Variants in TCF7L1 observed in about 807,000 individuals in gnomAD.
TCF7L1 encodes transcription factor 7 like 1, also known as transcription factor 7-like 1.
TCF7L1 carries 18 observed loss-of-function variants against 63.7 expected under a neutral mutation model. The ratio of observed to expected loss-of-function variants is 0.28; its 90% CI spans 0.20 to 0.42. The LOEUF is 0.42. TCF7L1 is among the 10% of genes least tolerant of loss of function. TCF7L1 has a pLI of 1.00. For synonymous variants in TCF7L1, 355 were observed against 340.9 expected (o/e 1.04, Z -0.46); for missense variants, 654 against 779.3 (o/e 0.84, Z 1.91).
At chr2:85,234,131 C>CTTTTTTTTTTT (rs35508338) in intron 3 of TCF7L1, among the ~76,000 whole-genome samples, 222 of 65,160 alleles carry the variant, frequency 3.4e-3, no homozygotes, top group African/African-American at 9.9e-3. Flanking sequence ...TTTTTCTTTT[C>CTTTTTTTTTTT]TTTTTTTTTT....
chr2:85,145,238 A>G (rs1228516727), intron 3 of TCF7L1, among the ~76,000 whole-genome samples: 1 of 152,160 alleles, frequency 6.6e-6, no homozygotes, highest in Non-Finnish European at 1.5e-5. Flanking sequence ...TGGGTATTGC[A>G]AGGCACTAAA....
At chr2:85,297,050 A>G (rs1392860006) in intron 4 of TCF7L1, among the ~76,000 whole-genome samples, 2 of 152,188 alleles carry the variant, frequency 1.3e-5, no homozygotes, top group Admixed American at 6.5e-5. Context: ...TCAAGCACCC[A>G]TGCAGAAGAG....
At chr2:85,304,131 C>A in intron 6 of TCF7L1, 124 bp from the exon 7 acceptor site, 1 of 1,228,522 alleles carries the variant, frequency 8.1e-7, no homozygotes, top group Non-Finnish European at 1.2e-6. Flanking sequence ...CCCGCCCAGG[C>A]AGCGTGCTCC....
intron 4 of TCF7L1, among the ~76,000 whole-genome samples, chr2:85,286,739 CCCT>C (rs1377426212): frequency 6.6e-6 from 1 of 152,168 alleles, no homozygotes; most frequent in Non-Finnish European, 1.5e-5. Flanking sequence ...AGGTGATCCA[CCCT>C]CCTCGGCCTC....
intron 3 of TCF7L1, among the ~76,000 whole-genome samples, chr2:85,149,477 A>G (rs187055885): frequency 4.6e-5 from 7 of 152,298 alleles, no homozygotes; most frequent in Admixed American, 2.0e-4. Flanking sequence ...AAAATATACA[A>G]AAATAGCACA....
chr2:85,152,443 T>C (rs895563028), intron 3 of TCF7L1, among the ~76,000 whole-genome samples: 3 of 150,442 alleles, frequency 2.0e-5, no homozygotes, highest in Non-Finnish European at 3.0e-5. Flanking sequence ...CTCTCTTTTT[T>C]TTTTTTTTTG....
At chr2:85,241,737 G>T (rs1252361902) in intron 3 of TCF7L1, among the ~76,000 whole-genome samples, 1 of 152,096 alleles carries the variant, frequency 6.6e-6, no homozygotes, top group African/African-American at 2.4e-5. Context: ...GAGCCATCGG[G>T]CCCAACCTGG....
At chr2:85,157,052 A>G (rs1558618869) in intron 3 of TCF7L1, among the ~76,000 whole-genome samples, 2 of 152,340 alleles carry the variant, frequency 1.3e-5, no homozygotes, top group South Asian at 4.1e-4. Context: ...GAGGCTGAGA[A>G]TCCCTGGTGT....
intron 3 of TCF7L1, among the ~76,000 whole-genome samples, chr2:85,194,992 C>T (rs1003346310): frequency 1.3e-5 from 2 of 152,258 alleles, no homozygotes; most frequent in African/African-American, 4.8e-5. Context: ...CCCCCAGTCC[C>T]ACCCCCGAGG....
intron 3 of TCF7L1, among the ~76,000 whole-genome samples, chr2:85,192,250 T>C (rs1014059971): frequency 6.6e-6 from 1 of 152,210 alleles, no homozygotes; most frequent in African/African-American, 2.4e-5. Flanking sequence ...AATTTAAGCA[T>C]TGGAAAGAGC....
At chr2:85,296,182 A>G (rs4832157) in intron 4 of TCF7L1, among the ~76,000 whole-genome samples, 114,755 of 152,162 alleles carry the variant, frequency 0.75, 44,710 homozygotes, top group East Asian at 0.94. Context: ...TCCTGGTCCC[A>G]GGTTCCACCT....
chr2:85,198,297 C>T (rs1679201173), intron 3 of TCF7L1, among the ~76,000 whole-genome samples: 1 of 152,194 alleles, frequency 6.6e-6, no homozygotes, highest in Non-Finnish European at 1.5e-5. Context: ...CAGGGAACTA[C>T]ATAGAAAATC....
chr2:85,307,516 C>T (rs1682146618), intron 10 of TCF7L1, 126 bp from the exon 11 acceptor site: 2 of 736,892 alleles, frequency 2.7e-6, no homozygotes, highest in African/African-American at 1.8e-5. Flanking sequence ...ATTATCTCTC[C>T]ACACTCTCCC....
intron 3 of TCF7L1, among the ~76,000 whole-genome samples, chr2:85,232,130 C>CG (rs758302079): frequency 2.0e-5 from 3 of 152,164 alleles, no homozygotes; most frequent in Non-Finnish European, 2.9e-5. Context: ...ACAAGGCGAT[C>CG]GGGTCAGGGC....
chr2:85,308,388 C>T lies in TCF7L1; in HGVS notation c.1334-641C>T, dbSNP rs535690023. Reference sequence around the variant, plus strand: ...TTCTTCCTCCCTCCCTTTCACCTTCCCTCCCATTCTCCTTCCCTCCCTTTC... The same window carrying T: ...TTCTTCCTCCCTCCCTTTCACCTTCTCTCCCATTCTCCTTCCCTCCCTTTC... On this transcript the variant is annotated intron_variant, in intron 11 of 11. Coordinates refer to ENST00000282111, the MANE Select transcript of TCF7L1 (RefSeq NM_031283.3). Among the ~76,000 whole-genome samples, 5 of 148,830 alleles carry T rather than the reference C, an allele frequency of 3.4e-5. No individual in the cohort carries two copies. In the South Asian group the frequency reaches 1.1e-3, roughly 32 times the overall value.
chr2:85,249,000 G>GA (rs146382976), intron 3 of TCF7L1, among the ~76,000 whole-genome samples: 42,692 of 148,624 alleles, frequency 0.29, 6,810 homozygotes, highest in Non-Finnish European at 0.38. Context: ...CTTGGGGAGG[G>GA]AAAAAAAAAA....
chr2:85,304,472 C>A, intron 7 of TCF7L1, 134 bp downstream of exon 7: 1 of 840,168 alleles, frequency 1.2e-6, no homozygotes, highest in Non-Finnish European at 1.8e-6. Context: ...TTTGATCAAG[C>A]ATCTTCTCAC....
At chr2:85,285,162 G>A (rs1681514196) in intron 4 of TCF7L1, among the ~76,000 whole-genome samples, 1 of 152,138 alleles carries the variant, frequency 6.6e-6, no homozygotes, top group African/African-American at 2.4e-5. Context: ...GAACCCCGGA[G>A]GCGGAGCTGA....
At chr2:85,222,348 A>C (rs143214727) in intron 3 of TCF7L1, among the ~76,000 whole-genome samples, 3,350 of 147,694 alleles carry the variant, frequency 0.023, 91 homozygotes, top group African/African-American at 0.065. Flanking sequence ...CTCAAAAAAA[A>C]AAACAAACAA....
Sources: allele counts gnomAD v4.1 joint callset (sites outside exome capture counted in the v4.1 genomes callset), GRCh38; gene constraint gnomAD v4.1.1; transcripts MANE v1.5; gene names NCBI Gene and HGNC (gene_info 2026-07-23, HGNC 2026-07-21).